Variants in TBC1D22A observed in about 807,000 individuals in gnomAD.
TBC1D22A encodes the protein putative GTPase activator.
A neutral mutation model predicts 60.2 loss-of-function variants in TBC1D22A; 38 were observed. The ratio of observed to expected loss-of-function variants is 0.63; its 90% CI spans 0.49 to 0.83. TBC1D22A has a LOEUF of 0.83. Among genes scored for constraint, TBC1D22A ranks in the 40% least tolerant of loss-of-function variants. TBC1D22A has a pLI of 0.00. For synonymous variants in TBC1D22A, 302 were observed against 281.7 expected (o/e 1.07, Z -0.72); for missense variants, 628 against 701.0 (o/e 0.90, Z 1.18).
chr22:47,037,178 C>T lies in TBC1D22A; in HGVS notation c.1309C>T (p.Arg437Cys), dbSNP rs781476335. ...GGAGGTGCCCCTGCGTTGTACCATC[C>T]GCCTGTGGGACACCTACCAGGTGAG... ...MREVPLRCTI[R>C]LWDTYQSEPD... The change falls in exon 11 of 13, where the codon CGC becomes TGC. Residue 437 changes from arginine (R) to cysteine (C), a missense_variant. Physicochemically the swap from Arg to Cys is radical, Grantham distance 180. Coordinates refer to ENST00000337137, the MANE Select transcript of TBC1D22A (RefSeq NM_014346.5). 3.1e-6 allele frequency: 5 copies of T among 1,613,750 alleles called. No individual in the cohort carries two copies. The highest frequency in any genetic ancestry group is 1.1e-5 in the South Asian group (1 of 91,072).
intron 4 of TBC1D22A, among the ~76,000 whole-genome samples, chr22:46,874,300 A>G (rs1049896337): frequency 6.6e-6 from 1 of 152,160 alleles, no homozygotes; most frequent in Non-Finnish European, 1.5e-5. Context: ...GTATATACCC[A>G]GTAATGAGAT....
At chr22:47,154,154 C>T (rs907207252) in intron 12 of TBC1D22A, among the ~76,000 whole-genome samples, 1 of 152,194 alleles carries the variant, frequency 6.6e-6, no homozygotes, top group Non-Finnish European at 1.5e-5. Flanking sequence ...GCCATGACTT[C>T]TCCTTCCTGC....
At chr22:47,159,230 C>T (rs1188104276) in intron 12 of TBC1D22A, among the ~76,000 whole-genome samples, 3 of 150,582 alleles carry the variant, frequency 2.0e-5, no homozygotes, top group Non-Finnish European at 3.0e-5. Context: ...CACACAGACA[C>T]CACACACAAA....
chr22:46,799,602 G>A (rs2084810921), intron 4 of TBC1D22A, among the ~76,000 whole-genome samples: 3 of 152,108 alleles, frequency 2.0e-5, no homozygotes. Context: ...ACTCCAGTGG[G>A]GACCATGCGT....
At chr22:47,006,455 T>G (rs6009095) in intron 10 of TBC1D22A, among the ~76,000 whole-genome samples, 65,584 of 152,084 alleles carry the variant, frequency 0.43, 16,414 homozygotes, top group African/African-American at 0.7. Context: ...GGGTGGAGGT[T>G]GACCGCCCTG....
intron 8 of TBC1D22A, among the ~76,000 whole-genome samples, chr22:46,958,256 G>A (rs1047083899): frequency 6.6e-6 from 1 of 152,174 alleles, no homozygotes; most frequent in African/African-American, 2.4e-5. Flanking sequence ...GGTCCATTCA[G>A]TCCTCTATTT....
intron 9 of TBC1D22A, among the ~76,000 whole-genome samples, chr22:46,989,602 C>G (rs1200496922): frequency 6.6e-6 from 1 of 152,022 alleles, no homozygotes; most frequent in Non-Finnish European, 1.5e-5. Context: ...GGAACACACA[C>G]AAAACATTTA....
At chr22:47,138,511 T>C (rs1004646954) in intron 12 of TBC1D22A, among the ~76,000 whole-genome samples, 2 of 152,174 alleles carry the variant, frequency 1.3e-5, no homozygotes, top group African/African-American at 4.8e-5. Flanking sequence ...CGGCACAGCT[T>C]CCCAGCCAGC....
At chr22:46,964,083 C>T (rs1281048072) in intron 8 of TBC1D22A, among the ~76,000 whole-genome samples, 2 of 152,210 alleles carry the variant, frequency 1.3e-5, no homozygotes, top group African/African-American at 4.8e-5. Context: ...TGGCTGCCAG[C>T]GGCGTCTGTT....
In TBC1D22A at chr22:47,096,736, T is replaced by C. The variant is rs551536260; in HGVS notation, c.1330-14772T>C. On this transcript the variant is annotated intron_variant, in intron 11 of 12. Transcript: ENST00000337137. ...ACTTGGGAGGCTGAGGCAGGAGAAT[T>C]GCTTGAACCTGGGAGGTGGAGGTTG... 2.2e-4 allele frequency among the ~76,000 whole-genome samples: 34 copies of C among 152,204 alleles called. No individual in the cohort carries two copies. The South Asian group carries it at 3.3e-3, about 15-fold the overall frequency.
intron 3 of TBC1D22A, among the ~76,000 whole-genome samples, chr22:46,797,238 G>T (rs1037130496): frequency 2.0e-5 from 3 of 152,194 alleles, no homozygotes; most frequent in African/African-American, 7.2e-5. Flanking sequence ...GGTCCATTTT[G>T]TTGGTGAATA....
At chr22:47,079,084 C>CATTTTTTTTTT (rs1556117651) in intron 11 of TBC1D22A, among the ~76,000 whole-genome samples, 2 of 124,962 alleles carry the variant, frequency 1.6e-5, no homozygotes, top group African/African-American at 3.0e-5. Context: ...GTAGAGCAGA[C>CATTTTTTTTTT]TTTTTTTTTT....
At chr22:46,952,078 T>C (rs1047815092) in intron 8 of TBC1D22A, among the ~76,000 whole-genome samples, 2 of 152,214 alleles carry the variant, frequency 1.3e-5, no homozygotes, top group Non-Finnish European at 2.9e-5. Flanking sequence ...GGGGGACAGA[T>C]TGTGGCCAGG....
rs71192464 is a variant in TBC1D22A, at chr22:47,091,305, T to TGGTGGGGTGTGGCCTCGCGGAGG, written c.1330-20201_1330-20200insTGGGGTGTGGCCTCGCGGAGGGG. Among the ~76,000 whole-genome samples, 7 of 55,426 alleles carry TGGTGGGGTGTGGCCTCGCGGAGG rather than the reference T, an allele frequency of 1.3e-4. 1 individual carries two copies. The highest frequency in any genetic ancestry group is 5.1e-4 in the Admixed American group (2 of 3,916). 36.4% of individuals were successfully genotyped at this position (55,426 alleles called of 152,430 possible). A position where few individuals can be genotyped will look rare whatever the true frequency, so the allele number is the denominator to read the frequency against. On this transcript the variant is annotated intron_variant, in intron 11 of 12. Coordinates refer to ENST00000337137, the MANE Select transcript of TBC1D22A (RefSeq NM_014346.5). ...AGAGACAGGCACGAGAAGTCGTCTTTGGGTGGCTGCGTGTTGATAGAGACA... is the reference window on the plus strand; with the variant it reads ...AGAGACAGGCACGAGAAGTCGTCTTTGGTGGGGTGTGGCCTCGCGGAGGGGGTGGCTGCGTGTTGATAGAGACA...
At chr22:47,160,041 C>T (rs2067911947) in intron 12 of TBC1D22A, among the ~76,000 whole-genome samples, 1 of 152,208 alleles carries the variant, frequency 6.6e-6, no homozygotes, top group African/African-American at 2.4e-5. Context: ...ACACACCACA[C>T]ACACAGGACT....
chr22:46,790,292 C>T (rs1233977562), intron 1 of TBC1D22A, among the ~76,000 whole-genome samples: 1 of 152,254 alleles, frequency 6.6e-6, no homozygotes, highest in African/African-American at 2.4e-5. Context: ...CTTCCGCGGT[C>T]TCTTCTGCTC....
chr22:46,810,240 T>A (rs1173453207), intron 4 of TBC1D22A, among the ~76,000 whole-genome samples: 1 of 152,202 alleles, frequency 6.6e-6, no homozygotes, highest in African/African-American at 2.4e-5. Context: ...GTTAAAACAT[T>A]TACAGTGGTT....
Position 46,797,551 on chromosome 22 carries a change from C to A in TBC1D22A, c.568C>A (p.Leu190Met), listed in dbSNP as rs1233342682. The A allele has an allele frequency of 1.2e-6, 2 of 1,613,792 alleles. No homozygotes were observed. Among genetic ancestry groups the A allele is most frequent in the African/African-American group, 2.7e-5 (2 of 74,920 alleles). Residue 190 changes from leucine to methionine, a missense_variant, in exon 4 of 13, where the codon CTG becomes ATG. Physicochemically the swap from Leu to Met is conservative, Grantham distance 15. Coordinates refer to ENST00000337137, the MANE Select transcript of TBC1D22A (RefSeq NM_014346.5). Reference sequence around the variant, plus strand: ...CCCCAGCACTCTCAGCAGCTCAGCGCTGAGCGAAAGAGAGGCCTCCCGGCT... The same window carrying A: ...CCCCAGCACTCTCAGCAGCTCAGCGATGAGCGAAAGAGAGGCCTCCCGGCT... Reference protein sequence around the residue: ...SDPSTLSSSALSEREASRLDK... With the variant: ...SDPSTLSSSAMSEREASRLDK...
chr22:46,764,540 T>C (rs1400223249), intron 1 of TBC1D22A, among the ~76,000 whole-genome samples: 2 of 152,196 alleles, frequency 1.3e-5, no homozygotes, highest in South Asian at 2.1e-4. Context: ...CTGTGGCTCT[T>C]GGTAATTTGT....
Sources: gnomAD v4.1 joint callset for allele counts (sites outside exome capture counted in the v4.1 genomes callset) on GRCh38, gnomAD v4.1.1 for gene constraint, MANE v1.5 for transcripts, NCBI Gene and HGNC (gene_info 2026-07-23, HGNC 2026-07-21) for gene names.